Variants in TMEM178A observed in about 807,000 individuals in gnomAD.
TMEM178A encodes transmembrane protein 178A.
Under a neutral mutation model 29.1 loss-of-function variants are expected in TMEM178A, and 12 were observed. The ratio of observed to expected loss-of-function variants is 0.41; its 90% CI spans 0.26 to 0.67. TMEM178A has a LOEUF of 0.67. TMEM178A is among the 30% of genes least tolerant of loss of function. The probability of loss-of-function intolerance (pLI) is 0.29; values close to 1 mark genes in which losing one functional copy is unlikely to be tolerated. For synonymous variants in TMEM178A, 210 were observed against 187.2 expected, an observed-to-expected ratio of 1.12 and a Z score of -0.99; for missense variants, 366 against 419.1, an observed-to-expected ratio of 0.87 and a Z score of 1.11.
At chr2:39,672,597 C>T (rs1310570007) in intron 1 of TMEM178A, among the ~76,000 whole-genome samples, 2 of 152,114 alleles carry the variant, frequency 1.3e-5, no homozygotes, top group Non-Finnish European at 2.9e-5. Flanking sequence ...ACGATCATAG[C>T]TCACTGCAGC....
At position 39,711,693 on chromosome 2, in the gene TMEM178A, T is replaced by A. The variant is rs548430423; in HGVS notation, c.652+4507T>A. Among the ~76,000 whole-genome samples, 16 of 152,346 alleles carry A rather than the reference T, an allele frequency of 1.1e-4. No homozygotes were observed. The South Asian group carries it at 3.3e-3, about 32-fold the overall frequency. Reference sequence around the variant, plus strand: ...CAACCATGGTAGGTGTATTGAATTATCTAGATTATCCATTGATTATGACAT... The same window carrying A: ...CAACCATGGTAGGTGTATTGAATTAACTAGATTATCCATTGATTATGACAT... On this transcript the variant is annotated intron_variant, in intron 3 of 3. Transcript: ENST00000281961.
Position 39,666,190 on chromosome 2 carries a change from G to A in TMEM178A, c.216G>A (p.Pro72=). 1 of 1,443,898 alleles carries A rather than the reference G, an allele frequency of 6.9e-7. No homozygotes were observed. Among genetic ancestry groups the A allele is most frequent in the Non-Finnish European group, 9.1e-7 (1 of 1,102,778 alleles). The allele number at this position is 1,443,898 out of a possible 1,614,324, so 89.4% of individuals were successfully genotyped here. A position where few individuals can be genotyped will look rare whatever the true frequency, so the allele number is the denominator to read the frequency against. Residue 72 remains proline, a synonymous_variant, in exon 1 of 4, where the codon CCG becomes CCA. Transcript: ENST00000281961. ...ACCTGCCGCTGCGGGACTCGCCCCCGCTGGGGCGCCGGCTGCTCCCGGGCG... is the reference window on the plus strand; with the variant it reads ...ACCTGCCGCTGCGGGACTCGCCCCCACTGGGGCGCCGGCTGCTCCCGGGCG... The part of the protein sequence containing the change: ...LSHLPLRDSP[P]LGRRLLPGGP...
the TMEM178A span, among the ~76,000 whole-genome samples, chr2:39,732,233 G>T: frequency 2.6e-5 from 4 of 152,150 alleles, no homozygotes; most frequent in Non-Finnish European, 5.9e-5. Flanking sequence ...AATTCCCACA[G>T]GTGCCAGCAA....
intron 1 of TMEM178A, among the ~76,000 whole-genome samples, chr2:39,675,405 T>C (rs1670575365): frequency 9.0e-6 from 1 of 111,620 alleles, no homozygotes; most frequent in Non-Finnish European, 1.8e-5. Context: ...ACAGGAGAGG[T>C]TATAAAAGGG....
chr2:39,721,201 C>T (rs532862732), downstream of TMEM178A, among the ~76,000 whole-genome samples: 2 of 152,304 alleles, frequency 1.3e-5, no homozygotes, highest in South Asian at 2.1e-4. Context: ...GCAGGACAAC[C>T]ACAAATGCTT....
intron 1 of TMEM178A, among the ~76,000 whole-genome samples, chr2:39,685,999 C>T (rs1005046777): frequency 2.6e-5 from 4 of 152,190 alleles, no homozygotes; most frequent in South Asian, 2.1e-4. Context: ...AAGCAGGGAG[C>T]GCTGAAGCCG....
At chr2:39,668,942 ATC>A (rs1413336749) in intron 1 of TMEM178A, among the ~76,000 whole-genome samples, 1 of 152,240 alleles carries the variant, frequency 6.6e-6, no homozygotes, top group Non-Finnish European at 1.5e-5. Context: ...TTGTTTTGGC[ATC>A]TGACATTAGT....
intron 1 of TMEM178A, among the ~76,000 whole-genome samples, chr2:39,696,104 G>T (rs1033159173): frequency 1.3e-5 from 2 of 152,128 alleles, no homozygotes; most frequent in Admixed American, 1.3e-4. Flanking sequence ...GACTCCAGAG[G>T]CCTCAAAACT....
chr2:39,682,122 G>A (rs1572657862), intron 1 of TMEM178A, among the ~76,000 whole-genome samples: 1 of 152,184 alleles, frequency 6.6e-6, no homozygotes, highest in Non-Finnish European at 1.5e-5. Context: ...GGAGCATCAG[G>A]AAGTACAGAA....
chr2:39,727,137 A>C, the TMEM178A span, among the ~76,000 whole-genome samples: 1 of 152,140 alleles, frequency 6.6e-6, no homozygotes, highest in African/African-American at 2.4e-5. Flanking sequence ...TCCAAAGGTC[A>C]AGGATATTCC....
At chr2:39,731,616 G>C in the TMEM178A span, among the ~76,000 whole-genome samples, 3 of 152,154 alleles carry the variant, frequency 2.0e-5, no homozygotes, top group African/African-American at 7.2e-5. Flanking sequence ...CTACCGACAT[G>C]ACCCAAATAC....
At chr2:39,694,906 G>A (rs1052454625) in intron 1 of TMEM178A, among the ~76,000 whole-genome samples, 5 of 152,166 alleles carry the variant, frequency 3.3e-5, no homozygotes, top group African/African-American at 1.2e-4. Flanking sequence ...CCTGATGAAA[G>A]GTTTGTCCTC....
chr2:39,699,595 TACAG>T (rs914409160), intron 1 of TMEM178A, among the ~76,000 whole-genome samples: 6 of 152,014 alleles, frequency 3.9e-5, no homozygotes, highest in African/African-American at 1.4e-4. Flanking sequence ...TAGCTAGGAC[TACAG>T]GTGCGTGCCA....
chr2:39,714,643 A>G (rs1672457580), intron 3 of TMEM178A, among the ~76,000 whole-genome samples: 1 of 152,248 alleles, frequency 6.6e-6, no homozygotes. Context: ...ACAAACATCC[A>G]TGACACTGAG....
chr2:39,674,130 CAGAT>C (rs1172762903), intron 1 of TMEM178A, among the ~76,000 whole-genome samples: 3 of 152,158 alleles, frequency 2.0e-5, no homozygotes, highest in East Asian at 1.9e-4. Context: ...ATTGGAAAAA[CAGAT>C]AGGCTGAACT....
chr2:39,699,269 C>T (rs758600031), intron 1 of TMEM178A, among the ~76,000 whole-genome samples: 9 of 151,884 alleles, frequency 5.9e-5, no homozygotes, highest in African/African-American at 9.7e-5. Flanking sequence ...TCAAGTGATC[C>T]GTCTACTTCA....
chr2:39,731,476 G>C, the TMEM178A span, among the ~76,000 whole-genome samples: 4 of 152,204 alleles, frequency 2.6e-5, no homozygotes, highest in Non-Finnish European at 5.9e-5. Context: ...TAGGTACAAA[G>C]AGAGCAAGAG....
chr2:39,665,937 G>C lies in TMEM178A; in HGVS notation c.-38G>C, dbSNP rs1670126599. On this transcript the variant is annotated 5_prime_UTR_variant, in exon 1 of 4. Coordinates refer to ENST00000281961, the MANE Select transcript of TMEM178A (RefSeq NM_152390.3). Reference sequence around the variant, plus strand: ...CAAGTGCATTGTGTCTGGCGGCGGCGCGCGAGCCCACCGGCGGCTGCGGCG... The same window carrying C: ...CAAGTGCATTGTGTCTGGCGGCGGCCCGCGAGCCCACCGGCGGCTGCGGCG... 3 of 1,348,728 alleles carry C rather than the reference G, an allele frequency of 2.2e-6. No individual in the cohort carries two copies. Among genetic ancestry groups the C allele is most frequent in the African/African-American group, 1.5e-5 (1 of 65,164 alleles). The allele number at this position is 1,348,728 out of a possible 1,614,324, so 83.5% of individuals were successfully genotyped here. A position where few individuals can be genotyped will look rare whatever the true frequency, so the allele number is the denominator to read the frequency against.
intron 1 of TMEM178A, among the ~76,000 whole-genome samples, chr2:39,689,080 C>T (rs549822396): frequency 6.6e-6 from 1 of 152,308 alleles, no homozygotes; most frequent in Non-Finnish European, 1.5e-5. Flanking sequence ...TTAGTCAATT[C>T]AGCTTGATCC....
Sources: gnomAD v4.1 joint callset for allele counts (sites outside exome capture counted in the v4.1 genomes callset) on GRCh38, gnomAD v4.1.1 for gene constraint, MANE v1.5 for transcripts, NCBI Gene and HGNC (gene_info 2026-07-23, HGNC 2026-07-21) for gene names.